THEMIS: variants seen among roughly 807,000 people sequenced by gnomAD.
The protein encoded by THEMIS is thymocyte selection associated, also known as protein THEMIS.
Under a neutral mutation model 52.6 loss-of-function variants are expected in THEMIS, and 37 were observed. That is an observed-to-expected ratio of 0.70 (90% CI 0.54 to 0.93). The LOEUF (loss-of-function observed/expected upper bound fraction) is 0.93. THEMIS is among the 40% of genes least tolerant of loss of function. The probability of loss-of-function intolerance (pLI) is 0.00; values close to 1 mark genes in which losing one functional copy is unlikely to be tolerated. For missense variants in THEMIS, 808 were observed against 763.1 expected (o/e 1.06, Z -0.69); for synonymous variants, 292 against 272.7 (o/e 1.07, Z -0.70).
chr6:127,854,945 T>A (rs1430685882), intron 2 of THEMIS, 85 bp downstream of exon 2: 2 of 1,219,396 alleles, frequency 1.6e-6, no homozygotes, highest in African/African-American at 3.6e-5. Context: ...AAACAGACCA[T>A]TTTTTTCTTG....
chr6:127,865,402 C>A (rs762500669), intron 1 of THEMIS, among the ~76,000 whole-genome samples: 1 of 152,090 alleles, frequency 6.6e-6, no homozygotes, highest in Non-Finnish European at 1.5e-5. Context: ...TTTGAACACC[C>A]AAAGCCTGCT....
intron 2 of THEMIS, among the ~76,000 whole-genome samples, chr6:127,847,764 C>T (rs956179987): frequency 6.6e-6 from 1 of 151,616 alleles, no homozygotes; most frequent in African/African-American, 2.4e-5. Context: ...AAAATACCAG[C>T]ATCATTCTTT....
At chr6:127,847,104 C>A (rs1779240337) in intron 2 of THEMIS, among the ~76,000 whole-genome samples, 1 of 151,580 alleles carries the variant, frequency 6.6e-6, no homozygotes, top group South Asian at 2.1e-4. Flanking sequence ...TAGAAACGCT[C>A]AAAAAAATAG....
chr6:127,813,957 G>A (rs1778038707), intron 3 of THEMIS, 26 bp from the exon 4 acceptor site: 2 of 1,503,156 alleles, frequency 1.3e-6, no homozygotes, highest in Non-Finnish European at 1.8e-6. Flanking sequence ...AAATCACTAT[G>A]ATATTTTTGT....
At chr6:127,814,935 C>T (rs1317771332) in intron 3 of THEMIS, among the ~76,000 whole-genome samples, 1 of 152,102 alleles carries the variant, frequency 6.6e-6, no homozygotes, top group African/African-American at 2.4e-5. Flanking sequence ...GGTGGGAGGA[C>T]TGCTTCAGCC....
At chr6:127,739,116 G>T (rs1775109007) in intron 4 of THEMIS, among the ~76,000 whole-genome samples, 1 of 152,060 alleles carries the variant, frequency 6.6e-6, no homozygotes, top group African/African-American at 2.4e-5. Flanking sequence ...TAAGAATATT[G>T]TGATGGCATT....
intron 4 of THEMIS, among the ~76,000 whole-genome samples, chr6:127,762,994 T>G (rs1311858094): frequency 6.6e-6 from 1 of 151,842 alleles, no homozygotes; most frequent in Admixed American, 6.6e-5. Flanking sequence ...CATACAACCA[T>G]TATATAAGTA....
At chr6:127,777,904 G>C (rs1324233275) in intron 4 of THEMIS, among the ~76,000 whole-genome samples, 1 of 152,054 alleles carries the variant, frequency 6.6e-6, no homozygotes, top group Non-Finnish European at 1.5e-5. Flanking sequence ...GGGGTGACTA[G>C]GTTCCCCAAT....
chr6:127,849,818 T>G (rs1779358375), intron 2 of THEMIS, among the ~76,000 whole-genome samples: 1 of 151,886 alleles, frequency 6.6e-6, no homozygotes, highest in Non-Finnish European at 1.5e-5. Flanking sequence ...AAAATTATTC[T>G]GGAAATGAGC....
chr6:127,867,281 A>G (rs1418270090), intron 1 of THEMIS, among the ~76,000 whole-genome samples: 1 of 152,056 alleles, frequency 6.6e-6, no homozygotes, highest in Middle Eastern at 3.2e-3. Flanking sequence ...CCAAAGAAAA[A>G]CCTAGTTCCA....
chr6:127,760,222 T>C (rs1167965159), intron 4 of THEMIS, among the ~76,000 whole-genome samples: 1 of 152,142 alleles, frequency 6.6e-6, no homozygotes, highest in African/African-American at 2.4e-5. Context: ...TTGGGCTTTG[T>C]ATTCTGTTCC....
At chr6:127,907,921 G>A (rs991380799) in intron 1 of THEMIS, among the ~76,000 whole-genome samples, 3 of 151,818 alleles carry the variant, frequency 2.0e-5, no homozygotes, top group African/African-American at 7.3e-5. Flanking sequence ...TAAAGACGGG[G>A]TTTCATTCTT....
chr6:127,749,314 A>G (rs1448817167), intron 4 of THEMIS, among the ~76,000 whole-genome samples: 3 of 152,056 alleles, frequency 2.0e-5, no homozygotes, highest in Admixed American at 1.3e-4. Context: ...AACTGACTGT[A>G]AGCAAAGAAA....
At chr6:127,755,907 CTCCCAG>C (rs1222994246) in intron 4 of THEMIS, among the ~76,000 whole-genome samples, 2 of 151,654 alleles carry the variant, frequency 1.3e-5, no homozygotes, top group African/African-American at 4.8e-5. Flanking sequence ...CATGGCTGTA[CTCCCAG>C]CTACTCAGGA....
intron 5 of THEMIS, among the ~76,000 whole-genome samples, chr6:127,717,574 G>A (rs969844417): frequency 6.6e-6 from 1 of 151,904 alleles, no homozygotes; most frequent in African/African-American, 2.4e-5. Context: ...GTGGCTGACA[G>A]CACTGATCCT....
intron 4 of THEMIS, among the ~76,000 whole-genome samples, chr6:127,798,240 G>A (rs918552071): frequency 2.6e-5 from 4 of 152,032 alleles, no homozygotes; most frequent in African/African-American, 9.7e-5. Context: ...AAAACCACAA[G>A]TGTATATTTA....
chr6:127,853,240 A>G (rs1286630217), intron 2 of THEMIS, among the ~76,000 whole-genome samples: 1 of 151,692 alleles, frequency 6.6e-6, no homozygotes, highest in African/African-American at 2.4e-5. Flanking sequence ...TGATTAAGGC[A>G]CGAAAAACTA....
chr6:127,787,314 CCTT>C (rs1562257269), intron 4 of THEMIS, among the ~76,000 whole-genome samples: 2 of 152,010 alleles, frequency 1.3e-5, no homozygotes, highest in African/African-American at 4.8e-5. Context: ...GCACACATCA[CCTT>C]CTTCCTTTAG....
At chr6:127,907,365 T>TTTTTTTTTTTG (rs1781301106) in intron 1 of THEMIS, among the ~76,000 whole-genome samples, 1 of 124,050 alleles carries the variant, frequency 8.1e-6, no homozygotes, top group Non-Finnish European at 1.6e-5. Context: ...TTTTTTTTTT[T>TTTTTTTTTTTG]TGCATGAGCG....
Sources: allele counts gnomAD v4.1 joint callset (sites outside exome capture counted in the v4.1 genomes callset), GRCh38; gene constraint gnomAD v4.1.1; transcripts MANE v1.5; gene names NCBI Gene and HGNC (gene_info 2026-07-23, HGNC 2026-07-21).